Variants in NIPAL2 observed in about 807,000 individuals in gnomAD.
The protein encoded by NIPAL2 is NIPA like domain containing 2, also known as NIPA-like protein 2.
In NIPAL2, 43 loss-of-function variants were observed where a neutral mutation model predicts 48.9. The ratio of observed to expected loss-of-function variants is 0.88; its 90% CI spans 0.69 to 1.13. The LOEUF (loss-of-function observed/expected upper bound fraction) is 1.13. Ranked by LOEUF, NIPAL2 falls within the 50% of genes most tolerant of loss-of-function variation. The pLI is 0.00. For missense variants in NIPAL2, 446 were observed against 461.4 expected (o/e 0.97, Z 0.31); for synonymous variants, 167 against 174.6 (o/e 0.96, Z 0.34).
At chr8:98,259,885 C>G (rs1277242649) in intron 1 of NIPAL2, among the ~76,000 whole-genome samples, 1 of 152,222 alleles carries the variant, frequency 6.6e-6, no homozygotes, top group African/African-American at 2.4e-5. Context: ...CAGGTGGACT[C>G]AGCCAAGTCT....
intron 6 of NIPAL2, among the ~76,000 whole-genome samples, chr8:98,210,245 G>A (rs1811244787): frequency 6.6e-6 from 1 of 151,744 alleles, no homozygotes; most frequent in African/African-American, 2.4e-5. Flanking sequence ...TACATTTAAA[G>A]CAATCAATCT....
At chr8:98,217,560 T>C (rs973965417) in intron 5 of NIPAL2, among the ~76,000 whole-genome samples, 1 of 152,200 alleles carries the variant, frequency 6.6e-6, no homozygotes, top group African/African-American at 2.4e-5. Flanking sequence ...TTGCCACATC[T>C]GAGGATTAAA....
intron 1 of NIPAL2, among the ~76,000 whole-genome samples, chr8:98,266,153 G>T (rs1814718969): frequency 9.4e-6 from 1 of 106,266 alleles, no homozygotes; most frequent in Non-Finnish European, 1.8e-5. Context: ...GAGGGGGGAG[G>T]GATAGCATTG....
In NIPAL2 at chr8:98,218,324, A is replaced by G. The variant is rs184301705; in HGVS notation, c.558+4155T>C. Among the ~76,000 whole-genome samples, 324 of 152,390 alleles carry G rather than the reference A, an allele frequency of 2.1e-3. 1 individual carries two copies. Among genetic ancestry groups the G allele is most frequent in the Non-Finnish European group, 3.9e-3 (265 of 68,046 alleles). Reference sequence around the variant, plus strand: ...AAATTTTCTGTAAAGTATAAAAAACAGAACTAAATCACAGAGATTAGAACT... The same window carrying G: ...AAATTTTCTGTAAAGTATAAAAAACGGAACTAAATCACAGAGATTAGAACT... On this transcript the variant is annotated intron_variant, in intron 5 of 10. Transcript: ENST00000430223.
At chr8:98,253,665 G>T (rs964914800) in intron 2 of NIPAL2, among the ~76,000 whole-genome samples, 3 of 152,088 alleles carry the variant, frequency 2.0e-5, no homozygotes, top group African/African-American at 7.2e-5. Context: ...TCTAAAAAGT[G>T]TCCGAATCCC....
intron 1 of NIPAL2, among the ~76,000 whole-genome samples, chr8:98,280,446 G>A (rs1310575463): frequency 2.6e-5 from 4 of 152,038 alleles, no homozygotes; most frequent in African/African-American, 9.7e-5. Flanking sequence ...CAATAGTACA[G>A]ATTGAGTGAT....
chr8:98,284,863 T>C (rs1371835649), intron 1 of NIPAL2, among the ~76,000 whole-genome samples: 1 of 152,046 alleles, frequency 6.6e-6, no homozygotes, highest in African/African-American at 2.4e-5. Context: ...GAAGAGGTGT[T>C]TGTTGATGAG....
chr8:98,241,344 C>T (rs1812970141), intron 3 of NIPAL2, among the ~76,000 whole-genome samples: 1 of 152,156 alleles, frequency 6.6e-6, no homozygotes, highest in Admixed American at 6.5e-5. Context: ...TAATTTAGAG[C>T]CAGGTGCTCT....
intron 1 of NIPAL2, among the ~76,000 whole-genome samples, chr8:98,264,213 C>T (rs1814554742): frequency 7.1e-6 from 1 of 141,058 alleles, no homozygotes; most frequent in East Asian, 2.1e-4. Context: ...CCTTTGAAAA[C>T]TGGCACAAGA....
At chr8:98,212,867 C>T (rs558359359) in intron 5 of NIPAL2, among the ~76,000 whole-genome samples, 85 of 152,310 alleles carry the variant, frequency 5.6e-4, no homozygotes, top group Non-Finnish European at 3.7e-4. Context: ...GGGCCTTTGC[C>T]TGCCAGTTAG....
At chr8:98,247,123 G>C (rs917535057) in intron 3 of NIPAL2, among the ~76,000 whole-genome samples, 1 of 152,186 alleles carries the variant, frequency 6.6e-6, no homozygotes, top group African/African-American at 2.4e-5. Flanking sequence ...GTGTTCACAA[G>C]CATGAATATT....
intron 3 of NIPAL2, among the ~76,000 whole-genome samples, chr8:98,237,587 C>G (rs899333658): frequency 6.6e-6 from 1 of 152,160 alleles, no homozygotes; most frequent in Non-Finnish European, 1.5e-5. Flanking sequence ...AAAGGCCACA[C>G]TACCAAGCAG....
At chr8:98,277,705 T>A (rs1300709847) in intron 1 of NIPAL2, among the ~76,000 whole-genome samples, 3 of 152,188 alleles carry the variant, frequency 2.0e-5, no homozygotes. Flanking sequence ...ACTCATATAG[T>A]ATGTGGCCTT....
intron 1 of NIPAL2, among the ~76,000 whole-genome samples, chr8:98,256,134 G>C (rs141957750): frequency 6.6e-6 from 1 of 151,772 alleles, no homozygotes; most frequent in East Asian, 1.9e-4. Context: ...AGCGATTCTC[G>C]TGCCTCAGCC....
intron 1 of NIPAL2, among the ~76,000 whole-genome samples, chr8:98,275,915 G>T (rs919493001): frequency 6.6e-6 from 1 of 152,074 alleles, no homozygotes; most frequent in Non-Finnish European, 1.5e-5. Flanking sequence ...AACTAGTCAT[G>T]ATTATCATTA....
At position 98,252,724 on chromosome 8, in the gene NIPAL2, T is replaced by C. The variant is rs959954687; in HGVS notation, c.205-90A>G. On this transcript the variant is annotated intron_variant, in intron 2 of 10. Transcript: ENST00000430223. ...TCTTTTGTATTCCTTTAATTCTTTTTATAAGAACGCTAATTTATTTTTGTA... is the reference window on the plus strand; with the variant it reads ...TCTTTTGTATTCCTTTAATTCTTTTCATAAGAACGCTAATTTATTTTTGTA... 5.6e-6 allele frequency: 6 copies of C among 1,070,460 alleles called. No individual in the cohort carries two copies. The African/African-American group carries it at 1.0e-4, about 18-fold the overall frequency. The allele number at this position is 1,070,460 out of a possible 1,614,324, so 66.3% of individuals were successfully genotyped here. A position where few individuals can be genotyped will look rare whatever the true frequency, so the allele number is the denominator to read the frequency against.
intron 6 of NIPAL2, 73 bp from the exon 7 acceptor site, chr8:98,205,319 T>C (rs1810978754): frequency 2.3e-6 from 3 of 1,326,730 alleles, no homozygotes; most frequent in Admixed American, 2.1e-5. Context: ...TAAGCTTATG[T>C]AGTAGAGTAG....
chr8:98,213,709 G>A (rs1811432949), intron 5 of NIPAL2, among the ~76,000 whole-genome samples: 1 of 151,570 alleles, frequency 6.6e-6, no homozygotes, highest in South Asian at 2.1e-4. Context: ...ACTGATCTTT[G>A]CACAATGCCT....
At position 98,194,782 on chromosome 8, in the gene NIPAL2, T is replaced by A; in HGVS notation, c.985A>T (p.Asn329Tyr). The change falls in exon 10 of 11, where the codon AAT becomes TAT. Residue 329 changes from asparagine to tyrosine, a missense_variant. Transcript: ENST00000430223. ...SFLGVFLVTR[N>Y]REKEHLQQSY... ...TGTTGCAGATGTTCCTTTTCTCGAT[T>A]TCTTGTGACCAAAAATACACCAAGG... 1 of 1,576,792 alleles carries A rather than the reference T, an allele frequency of 6.3e-7. No homozygotes were observed. The highest frequency in any genetic ancestry group is 1.4e-5 in the African/African-American group (1 of 73,056).
Sources: allele counts gnomAD v4.1 joint callset (sites outside exome capture counted in the v4.1 genomes callset), GRCh38; gene constraint gnomAD v4.1.1; transcripts MANE v1.5; gene names NCBI Gene and HGNC (gene_info 2026-07-23, HGNC 2026-07-21).